CHCHD4: variants seen among roughly 807,000 people sequenced by gnomAD.
CHCHD4 encodes the protein coiled-coil-helix-coiled-coil-helix domain containing 4, also known as mitochondrial intermembrane space import and assembly protein 40.
Under a neutral mutation model 12.4 loss-of-function variants are expected in CHCHD4, and 7 were observed. The observed-to-expected ratio is 0.57, with a 90% CI of 0.32 to 1.06. The LOEUF (loss-of-function observed/expected upper bound fraction) is 1.06. CHCHD4 is among the 50% of genes least tolerant of loss of function. CHCHD4 has a pLI of 0.04. For missense variants in CHCHD4, 143 were observed against 175.1 expected, an observed-to-expected ratio of 0.82 and a Z score of 1.03; for synonymous variants, 56 against 58.0, an observed-to-expected ratio of 0.97 and a Z score of 0.16.
At chr3:14,122,410 T>G (rs1694945120) in intron 1 of CHCHD4, among the ~76,000 whole-genome samples, 1 of 152,240 alleles carries the variant, frequency 6.6e-6, no homozygotes, top group African/African-American at 2.4e-5. Context: ...AATTGTTGAC[T>G]GAACAGGAGT....
chr3:14,121,005 G>A (rs1694928289), intron 1 of CHCHD4, among the ~76,000 whole-genome samples: 1 of 152,184 alleles, frequency 6.6e-6, no homozygotes, highest in African/African-American at 2.4e-5. Flanking sequence ...TTATCTGGGA[G>A]GCAGACTGGT....
intron 1 of CHCHD4, among the ~76,000 whole-genome samples, chr3:14,118,138 T>C (rs1694895598): frequency 6.6e-6 from 1 of 152,196 alleles, no homozygotes; most frequent in Non-Finnish European, 1.5e-5. Context: ...TCTGGGGTAC[T>C]GGGACCCTCA....
chr3:14,121,955 A>T, intron 1 of CHCHD4: 1 of 1,614,144 alleles, frequency 6.2e-7, no homozygotes, highest in South Asian at 1.1e-5. Flanking sequence ...CCTGGTGGTC[A>T]CAGATGAATA....
intron 1 of CHCHD4, among the ~76,000 whole-genome samples, 196 bp from the exon 2 acceptor site, chr3:14,116,720 G>A (rs2731313): frequency 0.5 from 74,757 of 151,018 alleles, 18,547 homozygotes; most frequent in Non-Finnish European, 0.52. Flanking sequence ...GGCAGGAAAA[G>A]AAGCACTGAA....
rs1694991042 is a variant in CHCHD4, at chr3:14,124,819, GC to G, written c.-144del. ...CCCCTCCCAGGCCTGCCCGCCGCGC[GC>G]CTGCCTCGGCGCCCTCGCAACCGCG... On this transcript the variant is annotated 5_prime_UTR_variant, in exon 1 of 3. Coordinates refer to ENST00000396914, the MANE Select transcript of CHCHD4 (RefSeq NM_001098502.2). 1 of 996,264 alleles carries G rather than the reference GC, an allele frequency of 1.0e-6. No homozygotes were observed. Among genetic ancestry groups the G allele is most frequent in the African/African-American group, 1.6e-5 (1 of 60,686 alleles). The allele number at this position is 996,264 out of a possible 1,614,324, so 61.7% of individuals were successfully genotyped here.
Position 14,112,818 on chromosome 3 carries a change from G to A in CHCHD4, c.*69C>T. ...ACAACAGAAGGAAACTTTCTTGGAA[G>A]GTGATGACAAGGCCTTTTGCAAAAG... On this transcript the variant is annotated 3_prime_UTR_variant, in exon 3 of 3. Coordinates refer to ENST00000396914, the MANE Select transcript of CHCHD4 (RefSeq NM_001098502.2). 14 of 1,393,018 alleles carry A rather than the reference G, an allele frequency of 1.0e-5. No homozygotes were observed. Among genetic ancestry groups the A allele is most frequent in the African/African-American group, 1.4e-5 (1 of 69,432 alleles). 86.3% of individuals were successfully genotyped at this position (1,393,018 alleles called of 1,614,324 possible).
At chr3:14,121,800 C>G (rs1381979826) in intron 1 of CHCHD4, 1 of 1,554,810 alleles carries the variant, frequency 6.4e-7, no homozygotes, top group Admixed American at 1.9e-5. Context: ...TAGAATCTAA[C>G]CCCTTTGAAA....
At chr3:14,114,180 T>C (rs1694851456) in intron 2 of CHCHD4, among the ~76,000 whole-genome samples, 1 of 152,184 alleles carries the variant, frequency 6.6e-6, no homozygotes. Context: ...CTGCCTTCAA[T>C]TCCAGCTTGG....
At chr3:14,123,582 A>G (rs1694964164) in intron 1 of CHCHD4, among the ~76,000 whole-genome samples, 1 of 152,178 alleles carries the variant, frequency 6.6e-6, no homozygotes, top group Non-Finnish European at 1.5e-5. Flanking sequence ...TCTGGGCTTC[A>G]GATTGCTTGA....
In CHCHD4 at chr3:14,124,863, C is replaced by G; in HGVS notation, c.-187G>C. 1.5e-6 allele frequency: 1 copy of G among 678,974 alleles called. No homozygotes were observed. Among genetic ancestry groups the G allele is most frequent in the South Asian group, 1.8e-5 (1 of 54,080 alleles). 42.1% of individuals were successfully genotyped at this position (678,974 alleles called of 1,614,324 possible). A position where few individuals can be genotyped will look rare whatever the true frequency, so the allele number is the denominator to read the frequency against. On this transcript the variant is annotated 5_prime_UTR_variant, in exon 1 of 3. Transcript: ENST00000396914. Reference sequence around the variant, plus strand: ...CAACCGCGGCCAGGCCAACCTCAGCCGGAAACTACATTTCCCAGCAGGTCG... The same window carrying G: ...CAACCGCGGCCAGGCCAACCTCAGCGGGAAACTACATTTCCCAGCAGGTCG...
Position 14,113,112 on chromosome 3 carries a change from A to G in CHCHD4, c.204T>C (p.Phe68=), listed in dbSNP as rs1461390449. ...AGTGGAAGCAGGAAAAGGCTGACTT[A>G]AACTGTTCTCCACAGGGACCGCTGG... ...GMASGPCGEQ[F]KSAFSCFHYS... Residue 68 remains phenylalanine (F), a synonymous_variant, in exon 3 of 3, where the codon TTT becomes TTC. Transcript: ENST00000396914. The G allele has an allele frequency of 6.2e-7, 1 of 1,614,084 alleles. No individual in the cohort carries two copies. The highest frequency in any genetic ancestry group is 1.7e-5 in the Admixed American group (1 of 60,012).
At chr3:14,121,570 G>T (rs1439549095) in intron 1 of CHCHD4, among the ~76,000 whole-genome samples, 1 of 152,190 alleles carries the variant, frequency 6.6e-6, no homozygotes, top group South Asian at 2.1e-4. Flanking sequence ...ACTCCCCAGG[G>T]TCATGTTTGA....
At chr3:14,115,895 C>T (rs2124975621) in intron 2 of CHCHD4, among the ~76,000 whole-genome samples, 1 of 152,262 alleles carries the variant, frequency 6.6e-6, no homozygotes, top group East Asian at 1.9e-4. Flanking sequence ...GGAACAATGT[C>T]CTAGGCCTAA....
chr3:14,124,799 C>G lies in CHCHD4; in HGVS notation c.-123G>C. Reference sequence around the variant, plus strand: ...CGAAGCCCGCGCGGACCCGCCCCCTCCCAGGCCTGCCCGCCGCGCGCCTGC... The same window carrying G: ...CGAAGCCCGCGCGGACCCGCCCCCTGCCAGGCCTGCCCGCCGCGCGCCTGC... On this transcript the variant is annotated 5_prime_UTR_variant, in exon 1 of 3. Coordinates refer to ENST00000396914, the MANE Select transcript of CHCHD4 (RefSeq NM_001098502.2). 2 of 1,156,768 alleles carry G rather than the reference C, an allele frequency of 1.7e-6. No individual in the cohort carries two copies. Among genetic ancestry groups the G allele is most frequent in the South Asian group, 1.6e-5 (1 of 63,202 alleles). The allele number at this position is 1,156,768 out of a possible 1,614,324, so 71.7% of individuals were successfully genotyped here. A position where few individuals can be genotyped will look rare whatever the true frequency, so the allele number is the denominator to read the frequency against.
chr3:14,114,810 C>T (rs1229115867), intron 2 of CHCHD4, among the ~76,000 whole-genome samples: 1 of 152,164 alleles, frequency 6.6e-6, no homozygotes, highest in African/African-American at 2.4e-5. Context: ...TAAATCCACA[C>T]AGAGGGTACC....
At chr3:14,116,720 G>T (rs2731313) in intron 1 of CHCHD4, among the ~76,000 whole-genome samples, 196 bp from the exon 2 acceptor site, 1 of 150,946 alleles carries the variant, frequency 6.6e-6, no homozygotes, top group East Asian at 1.9e-4. Context: ...GGCAGGAAAA[G>T]AAGCACTGAA....
At chr3:14,124,345 C>T (rs982100889) in intron 1 of CHCHD4, among the ~76,000 whole-genome samples, 1 of 152,202 alleles carries the variant, frequency 6.6e-6, no homozygotes, top group Non-Finnish European at 1.5e-5. Flanking sequence ...GAGCCACACG[C>T]AACGTGCTCG....
At chr3:14,114,102 T>G (rs1167736295) in intron 2 of CHCHD4, among the ~76,000 whole-genome samples, 1 of 152,194 alleles carries the variant, frequency 6.6e-6, no homozygotes, top group Non-Finnish European at 1.5e-5. Context: ...CACATGATTC[T>G]TCACTCCAGG....
At chr3:14,122,409 C>T (rs144712823) in intron 1 of CHCHD4, among the ~76,000 whole-genome samples, 12 of 152,346 alleles carry the variant, frequency 7.9e-5, no homozygotes, top group African/African-American at 2.6e-4. Context: ...TAATTGTTGA[C>T]TGAACAGGAG....
Sources: gnomAD v4.1 joint callset for allele counts (sites outside exome capture counted in the v4.1 genomes callset) on GRCh38, gnomAD v4.1.1 for gene constraint, MANE v1.5 for transcripts, NCBI Gene and HGNC (gene_info 2026-07-23, HGNC 2026-07-21) for gene names.